Variants in C5orf34 observed in about 807,000 individuals in gnomAD.
The protein encoded by C5orf34 is uncharacterized protein C5orf34.
A neutral mutation model predicts 78.4 loss-of-function variants in C5orf34; 73 were observed. The observed-to-expected ratio is 0.93, with a 90% CI of 0.77 to 1.13. C5orf34 has a LOEUF of 1.13. C5orf34 is among the 50% of genes most tolerant of loss of function. C5orf34 has a pLI of 0.00. For synonymous variants in C5orf34, 251 were observed against 246.6 expected, an observed-to-expected ratio of 1.02 and a Z score of -0.17; for missense variants, 730 against 732.7, an observed-to-expected ratio of 1.00 and a Z score of 0.04.
At position 43,513,313 on chromosome 5, in the gene C5orf34, G is replaced by A. The variant is rs143751314; in HGVS notation, c.-37+1493C>T. On this transcript the variant is annotated intron_variant, in intron 1 of 12. Transcript: ENST00000306862. ...CTGCTAGACCGCTCTCTATGTCCCT[G>A]TCCCATAGATAAATCAAACTCAACA... 8.6e-4 allele frequency among the ~76,000 whole-genome samples: 131 copies of A among 152,276 alleles called. 2 individuals are homozygous for A. The East Asian group carries it at 0.024, about 28-fold the overall frequency.
intron 6 of C5orf34, among the ~76,000 whole-genome samples, chr5:43,498,106 GT>G (rs1469222806): frequency 6.6e-6 from 1 of 152,166 alleles, no homozygotes; most frequent in African/African-American, 2.4e-5. Flanking sequence ...CAATTTAATA[GT>G]TTTTTACTTA....
intron 1 of C5orf34, among the ~76,000 whole-genome samples, chr5:43,514,000 A>G (rs1746380516): frequency 6.6e-6 from 1 of 152,210 alleles, no homozygotes; most frequent in African/African-American, 2.4e-5. Flanking sequence ...CAAATAGTAA[A>G]TGGCACAATA....
At chr5:43,503,879 G>A (rs1745869775) in intron 4 of C5orf34, 119 bp from the exon 5 acceptor site, 2 of 626,040 alleles carry the variant, frequency 3.2e-6, no homozygotes, top group Non-Finnish European at 5.7e-6. Context: ...CTAGATCAAA[G>A]AATAAAAATT....
intron 12 of C5orf34, among the ~76,000 whole-genome samples, chr5:43,487,618 TTA>T (rs1745117212): frequency 1.3e-5 from 2 of 152,114 alleles, no homozygotes; most frequent in Admixed American, 1.3e-4. Context: ...TCTTAAACAG[TTA>T]TAATTTTATT....
intron 11 of C5orf34, 61 bp downstream of exon 11, chr5:43,490,570 A>G: frequency 9.0e-7 from 1 of 1,107,606 alleles, no homozygotes; most frequent in South Asian, 1.4e-5. Flanking sequence ...ACCATTTGAC[A>G]TTTTAATTTT....
intron 6 of C5orf34, among the ~76,000 whole-genome samples, chr5:43,499,690 T>C (rs977349296): frequency 6.6e-6 from 1 of 152,162 alleles, no homozygotes; most frequent in Admixed American, 6.5e-5. Context: ...TATTTTTTGT[T>C]CTTTACACAA....
At chr5:43,494,193 A>G (rs909173306) in intron 7 of C5orf34, among the ~76,000 whole-genome samples, 1 of 152,154 alleles carries the variant, frequency 6.6e-6, no homozygotes, top group Non-Finnish European at 1.5e-5. Flanking sequence ...TGTAACATCA[A>G]ATCTCCAACT....
rs752508518 is a variant in C5orf34 at position 43,505,771 on chromosome 5, G to A, written c.909C>T (p.Ser303=). ...VSVLPRALSL[S]CPVPHLHRWN... ...ACCTGTGTAGGTGTGGGACTGGACAGCTGAGTGACAGGGCCCTGGGAAGAA... is the reference window on the plus strand; with the variant it reads ...ACCTGTGTAGGTGTGGGACTGGACAACTGAGTGACAGGGCCCTGGGAAGAA... Residue 303 remains serine (S), a synonymous_variant, in exon 4 of 13, where the codon AGC becomes AGT. Transcript: ENST00000306862. 14 of 1,589,296 alleles carry A rather than the reference G, an allele frequency of 8.8e-6. No individual in the cohort carries two copies. The South Asian group carries it at 1.2e-4, about 13-fold the overall frequency.
At chr5:43,499,603 T>C (rs1430269147) in intron 6 of C5orf34, among the ~76,000 whole-genome samples, 2 of 152,174 alleles carry the variant, frequency 1.3e-5, no homozygotes, top group African/African-American at 4.8e-5. Flanking sequence ...ACATAGCTAC[T>C]TCAGTGTGTA....
At chr5:43,510,355 T>C (rs1746169749) in intron 1 of C5orf34, among the ~76,000 whole-genome samples, 1 of 152,220 alleles carries the variant, frequency 6.6e-6, no homozygotes, top group Non-Finnish European at 1.5e-5. Flanking sequence ...CTTCTCTACC[T>C]CTAAAGTACT....
chr5:43,514,823 A>AATG lies in C5orf34; in HGVS notation c.-55_-54insCAT, dbSNP rs1420192856. 1 of 152,230 alleles carries AATG rather than the reference A, an allele frequency of 6.6e-6. No homozygotes were observed. The highest frequency in any genetic ancestry group is 1.5e-5 in the Non-Finnish European group (1 of 68,056). 9.4% of individuals were successfully genotyped at this position (152,230 alleles called of 1,614,324 possible). ...CCACTCACAGCAGTTCGGAGCCGAA[A>AATG]AGTTGCGGAAATGAGGCCCAGCAAC... On this transcript the variant is annotated 5_prime_UTR_variant, in exon 1 of 13. Transcript: ENST00000306862.
At chr5:43,496,342 G>A (rs1745519988) in intron 6 of C5orf34, 4 of 1,589,466 alleles carry the variant, frequency 2.5e-6, no homozygotes, top group East Asian at 4.5e-5. Flanking sequence ...TTTTTCAATG[G>A]TTCTTTTGTC....
intron 1 of C5orf34, chr5:43,514,232 TTC>T (rs1310764440): frequency 6.6e-6 from 1 of 152,278 alleles, no homozygotes; most frequent in African/African-American, 2.4e-5. Flanking sequence ...CTGGAATTTC[TTC>T]TCTCTCCAAT....
chr5:43,503,257 G>A (rs185062571), intron 5 of C5orf34, among the ~76,000 whole-genome samples: 1 of 152,284 alleles, frequency 6.6e-6, no homozygotes, highest in African/African-American at 2.4e-5. Context: ...TATTTGCTTT[G>A]TGAATGAAGG....
At chr5:43,488,902 T>G (rs10061165) in intron 11 of C5orf34, among the ~76,000 whole-genome samples, 92,949 of 151,966 alleles carry the variant, frequency 0.61, 31,133 homozygotes, top group African/African-American at 0.89. Flanking sequence ...TCGTAGTAGG[T>G]TGTGTGACTT....
chr5:43,493,381 T>C (rs1172142727), intron 8 of C5orf34, among the ~76,000 whole-genome samples, 162 bp downstream of exon 8: 1 of 152,134 alleles, frequency 6.6e-6, no homozygotes, highest in African/African-American at 2.4e-5. Flanking sequence ...GCCTGAACTT[T>C]CAGTGTTTGT....
chr5:43,500,615 C>T (rs1054494226), intron 6 of C5orf34, among the ~76,000 whole-genome samples: 4 of 152,146 alleles, frequency 2.6e-5, no homozygotes, highest in African/African-American at 7.2e-5. Flanking sequence ...GGGCTTGTCT[C>T]GAACTCCTGG....
At chr5:43,504,339 A>G (rs1378765994) in intron 4 of C5orf34, among the ~76,000 whole-genome samples, 1 of 152,096 alleles carries the variant, frequency 6.6e-6, no homozygotes, top group Admixed American at 6.6e-5. Context: ...TAGTGGGCCA[A>G]GCACTGTGCT....
At chr5:43,496,779 TC>T (rs1745548960) in intron 6 of C5orf34, among the ~76,000 whole-genome samples, 1 of 151,592 alleles carries the variant, frequency 6.6e-6, no homozygotes, top group Non-Finnish European at 1.5e-5. Context: ...AGAGGCGAGG[TC>T]TTACTATATT....
Sources: allele counts gnomAD v4.1 joint callset (sites outside exome capture counted in the v4.1 genomes callset), GRCh38; gene constraint gnomAD v4.1.1; transcripts MANE v1.5; gene names NCBI Gene and HGNC (gene_info 2026-07-23, HGNC 2026-07-21).